Variants in ANO7 observed in about 807,000 individuals in gnomAD.
ANO7 encodes the protein anoctamin-7.
Under a neutral mutation model 115.8 loss-of-function variants are expected in ANO7, and 114 were observed. That is an observed-to-expected ratio of 0.98 (90% CI 0.85 to 1.15). The LOEUF is 1.15. Ranked by LOEUF, ANO7 falls within the 50% of genes most tolerant of loss-of-function variation. The pLI is 0.00. For synonymous variants in ANO7, 550 were observed against 498.2 expected (o/e 1.10, Z -1.38); for missense variants, 1,302 against 1,201.2 (o/e 1.08, Z -1.24).
rs144795806 is a variant in ANO7, at chr2:241,197,081, C to T, written c.309+1236C>T. 2.5e-3 allele frequency among the ~76,000 whole-genome samples: 386 copies of T among 152,280 alleles called. 4 individuals are homozygous for T. Among genetic ancestry groups the T allele is most frequent in the African/African-American group, 8.7e-3 (363 of 41,558 alleles). ...AACCAGTTGGGATATAGTGGTGGCTCACCGTGGTTTGTGTGCTTGTTTGTT... is the reference window on the plus strand; with the variant it reads ...AACCAGTTGGGATATAGTGGTGGCTTACCGTGGTTTGTGTGCTTGTTTGTT... On this transcript the variant is annotated intron_variant, in intron 4 of 24. Coordinates refer to ENST00000674324, the MANE Select transcript of ANO7 (RefSeq NM_001370694.2).
intron 3 of ANO7, 52 bp downstream of exon 3, chr2:241,191,303 G>A: frequency 1.2e-6 from 2 of 1,604,826 alleles, no homozygotes; most frequent in Admixed American, 1.7e-5. Context: ...TGAGGGTGGG[G>A]ACACCACGGG....
At chr2:241,199,157 A>G (rs1171988683) in intron 4 of ANO7, 159 bp from the exon 5 acceptor site, 1 of 672,866 alleles carries the variant, frequency 1.5e-6, no homozygotes, top group Non-Finnish European at 2.6e-6. Flanking sequence ...AGGCGTATCC[A>G]TGGGAGTAGG....
chr2:241,238,227 G>A, the ANO7 span: 4 of 154,234 alleles, frequency 2.6e-5, no homozygotes, highest in African/African-American at 9.6e-5. This position sits in a 1 kb window ranked among gnomAD's most constrained non-coding sequence, Gnocchi z 4.9. Flanking sequence ...CACTTGGATG[G>A]TGCCCTCTGG....
chr2:241,231,999 G>A, the ANO7 span, among the ~76,000 whole-genome samples: 1 of 152,134 alleles, frequency 6.6e-6, no homozygotes, highest in Admixed American at 6.5e-5. Flanking sequence ...GCCTGGAAAG[G>A]AAATGAGCAG....
chr2:241,190,012 A>G, intron 1 of ANO7, 45 bp from the exon 2 acceptor site: 1 of 1,480,160 alleles, frequency 6.8e-7, no homozygotes, highest in East Asian at 2.5e-5. Flanking sequence ...GGTCTCACCC[A>G]TCCCCTCTCT....
chr2:241,216,219 T>G lies in ANO7; in HGVS notation c.1953T>G (p.Phe651Leu). The G allele has an allele frequency of 6.2e-7, 1 of 1,606,470 alleles. No homozygotes were observed. The change falls in exon 19 of 25, where the codon TTT becomes TTG. Residue 651 changes from phenylalanine (F) to leucine (L), a missense_variant. Transcript: ENST00000674324. ...AGCTTGTGCCCTGTGAGGGTCTGTT[T>G]GACGAGTACCTGGAAATGGGTAGGA... ...DYELVPCEGL[F>L]DEYLEMVLQF... is the part of the protein sequence containing the mutation.
chr2:241,234,444 G>A, the ANO7 span, among the ~76,000 whole-genome samples: 1 of 152,186 alleles, frequency 6.6e-6, no homozygotes, highest in Non-Finnish European at 1.5e-5. Flanking sequence ...CAGAGTCCAC[G>A]CAGGGGTACA....
At position 241,212,709 on chromosome 2, in the gene ANO7, C is replaced by T. The variant is rs1481981500; in HGVS notation, c.1728+83C>T. 1.6e-5 allele frequency: 23 copies of T among 1,435,758 alleles called. 1 individual carries two copies. The highest frequency in any genetic ancestry group is 6.6e-5 in the South Asian group (5 of 75,616). The allele number at this position is 1,435,758 out of a possible 1,614,324, so 88.9% of individuals were successfully genotyped here. A position where few individuals can be genotyped will look rare whatever the true frequency, so the allele number is the denominator to read the frequency against. On this transcript the variant is annotated intron_variant, in intron 17 of 24. Coordinates refer to ENST00000674324, the MANE Select transcript of ANO7 (RefSeq NM_001370694.2). ...ATTCTTCCATTCGAGCTTTGATTTG[C>T]AGCAATTCCTCCCACCACCGGCTAT...
In ANO7 at chr2:241,203,426, A is replaced by T. The variant is rs1292500693; in HGVS notation, c.817A>T (p.Asn273Tyr). ...GCACTGGGCGCGCTGGGGCAAGTGG[A>T]ACAAGTACCAGCCCCTGGACCACGT... ...FQHWARWGKW[N>Y]KYQPLDHVRR... The change falls in exon 9 of 25, where the codon AAC (asparagine) becomes TAC (tyrosine). Residue 273 changes from asparagine (N) to tyrosine (Y), a missense_variant. Transcript: ENST00000674324. The surrounding 1 kb of genome is among the most constrained non-coding windows in gnomAD (Gnocchi z 4.8). 1.9e-6 allele frequency: 3 copies of T among 1,595,918 alleles called. No homozygotes were observed. The highest frequency in any genetic ancestry group is 2.6e-6 in the Non-Finnish European group (3 of 1,172,184).
chr2:241,234,766 G>C, the ANO7 span, among the ~76,000 whole-genome samples: 1 of 152,232 alleles, frequency 6.6e-6, no homozygotes, highest in Non-Finnish European at 1.5e-5. Context: ...CTAGAGGTTA[G>C]TGGGGGTCCC....
chr2:241,189,715 A>C (rs2068143158), intron 1 of ANO7, among the ~76,000 whole-genome samples: 1 of 152,004 alleles, frequency 6.6e-6, no homozygotes, highest in Non-Finnish European at 1.5e-5. Context: ...CTCCAGGCCC[A>C]CCTTTCTGGG....
rs568948671 is a variant in ANO7 at position 241,221,606 on chromosome 2, G to T, written c.2322-1580G>T. The stretch of plus-strand genomic sequence containing the variant: ...GTTGGCCAGGCTGGTCTCAAACTCC[G>T]AACCTCAGGTATCTGCCCACTTCAG... On this transcript the variant is annotated intron_variant, in intron 21 of 24. Coordinates refer to ENST00000674324, the MANE Select transcript of ANO7 (RefSeq NM_001370694.2). Among the ~76,000 whole-genome samples, 8 of 146,974 alleles carry T rather than the reference G, an allele frequency of 5.4e-5. No homozygotes were observed. In the South Asian group the frequency reaches 1.5e-3, roughly 28 times the overall value.
chr2:241,226,273 G>A (rs115896147), downstream of ANO7, among the ~76,000 whole-genome samples: 913 of 152,168 alleles, frequency 6.0e-3, 11 homozygotes, highest in African/African-American at 0.019. Context: ...GGGACATTGC[G>A]CGAGCTCCAT....
rs374734738 is a variant in ANO7, at chr2:241,189,501, C to A, written c.-7-556C>A. The stretch of plus-strand genomic sequence containing the variant: ...CTGTCCTCCCACAGAGAGAGACCCC[C>A]GGGGCGAAGGTGCGGGAGGAAGCTG... On this transcript the variant is annotated intron_variant, in intron 1 of 24. Coordinates refer to ENST00000674324, the MANE Select transcript of ANO7 (RefSeq NM_001370694.2). Among the ~76,000 whole-genome samples the A allele has an allele frequency of 2.4e-4, 37 of 152,270 alleles. 1 individual carries two copies. In the East Asian group the frequency reaches 3.9e-3, roughly 16 times the overall value.
chr2:241,222,723 A>G (rs765206088), intron 21 of ANO7, among the ~76,000 whole-genome samples: 25 of 152,126 alleles, frequency 1.6e-4, no homozygotes, highest in Non-Finnish European at 3.2e-4. Flanking sequence ...CAAAGTCTGA[A>G]ATAGCAAGTG....
At chr2:241,189,443 G>A (rs906408437) in intron 1 of ANO7, among the ~76,000 whole-genome samples, 8 of 152,148 alleles carry the variant, frequency 5.3e-5, no homozygotes, top group Non-Finnish European at 2.9e-5. Flanking sequence ...TCCTGGCCCC[G>A]TTTTGCCAGC....
chr2:241,230,822 G>A (rs1300390903), downstream of ANO7: 15 of 1,614,238 alleles, frequency 9.3e-6, no homozygotes, highest in East Asian at 2.2e-5. This position sits in a 1 kb window ranked among gnomAD's most constrained non-coding sequence, Gnocchi z 5.0. Flanking sequence ...GGGCGTGAAC[G>A]CGGTGGTCCA....
At chr2:241,219,675 C>T (rs1485673911) in intron 21 of ANO7, among the ~76,000 whole-genome samples, 2 of 151,396 alleles carry the variant, frequency 1.3e-5, no homozygotes, top group Non-Finnish European at 2.9e-5. Flanking sequence ...TCAAGCAATC[C>T]TCCCACCTCA....
Position 241,207,687 on chromosome 2 carries a change from G to C in ANO7, c.1077+17G>C, listed in dbSNP as rs745967529. On this transcript the variant is annotated intron_variant, in intron 11 of 24. Coordinates refer to ENST00000674324, the MANE Select transcript of ANO7 (RefSeq NM_001370694.2). ...CTGGCCCAGGTACGAGAAGAGGTGG[G>C]TGGGGTAAGGGATTTGAGAGTCGGG... is the stretch of plus-strand genomic sequence containing the variant. 1.9e-6 allele frequency: 3 copies of C among 1,611,788 alleles called. No individual in the cohort carries two copies. The South Asian group carries it at 3.3e-5, about 18-fold the overall frequency.
Sources: allele counts gnomAD v4.1 joint callset (sites outside exome capture counted in the v4.1 genomes callset), GRCh38; gene constraint gnomAD v4.1.1; non-coding constraint Gnocchi (gnomAD v3.1); transcripts MANE v1.5; gene names NCBI Gene and HGNC (gene_info 2026-07-23, HGNC 2026-07-21).